The following ADA2 variants were observed in gnomAD, a reference collection of about 807,000 sequenced individuals.
The protein encoded by ADA2 is adenosine deaminase CECR1.
ADA2 carries 29 observed loss-of-function variants against 44.2 expected under a neutral mutation model. The observed-to-expected ratio is 0.66, with a 90% CI of 0.49 to 0.89. The LOEUF is 0.89. ADA2 is among the 40% of genes least tolerant of loss of function. The pLI is 0.00. For missense variants in ADA2, 637 were observed against 644.8 expected, an observed-to-expected ratio of 0.99 and a Z score of 0.13; for synonymous variants, 215 against 234.9, an observed-to-expected ratio of 0.92 and a Z score of 0.77.
At chr22:17,184,988 A>ATG (rs1294116458) in intron 7 of ADA2, among the ~76,000 whole-genome samples, 8 of 125,364 alleles carry the variant, frequency 6.4e-5, no homozygotes, top group Non-Finnish European at 1.3e-4. Flanking sequence ...GTCAAAATAT[A>ATG]TATATATATA....
chr22:17,203,823 GC>G (rs2062321377), intron 3 of ADA2, 50 bp from the exon 4 acceptor site: 5 of 1,279,772 alleles, frequency 3.9e-6, no homozygotes, highest in East Asian at 2.4e-5. Flanking sequence ...CCAGGACACT[GC>G]CCCCGGGCGC....
rs796115081 is a variant in ADA2 at position 17,217,240 on chromosome 22, G to GA, written c.-47+2115dup. On this transcript the variant is annotated intron_variant, in intron 1 of 9. Coordinates refer to ENST00000399837, the MANE Select transcript of ADA2 (RefSeq NM_001282225.2). ...ATAACAGACATTTCAGAAGGAAAAA[G>GA]AAAAAAAAAACAGGTGAAGGAAATA... Among the ~76,000 whole-genome samples the GA allele has an allele frequency of 2.6e-3, 379 of 146,280 alleles. 3 individuals carry two copies. The highest frequency in any genetic ancestry group is 8.0e-3 in the African/African-American group (322 of 40,074).
chr22:17,198,942 G>A (rs751634951), intron 4 of ADA2, among the ~76,000 whole-genome samples: 1 of 152,198 alleles, frequency 6.6e-6, no homozygotes, highest in African/African-American at 2.4e-5. Flanking sequence ...ATTAGCCTGC[G>A]ACCAGGCAGG....
intron 4 of ADA2, among the ~76,000 whole-genome samples, chr22:17,201,643 C>T (rs2062288801): frequency 6.6e-6 from 1 of 152,174 alleles, no homozygotes; most frequent in African/African-American, 2.4e-5. Flanking sequence ...ATCCTGCCCA[C>T]TCCCACAATA....
chr22:17,181,531 G>A lies in ADA2; in HGVS notation c.1488C>T (p.Ile496=). Residue 496 remains isoleucine, a synonymous_variant, in exon 10 of 10, where the codon ATC becomes ATT. Coordinates refer to ENST00000399837, the MANE Select transcript of ADA2 (RefSeq NM_001282225.2). ...LESEKNTFME[I]WKKRWDKFIA... The stretch of plus-strand genomic sequence containing the variant: ...TGAACTTATCCCATCTCTTCTTCCA[G>A]ATTTCCATGAAAGTATTTTTCTCAC... The A allele has an allele frequency of 6.2e-7, 1 of 1,613,704 alleles. No homozygotes were observed. Among genetic ancestry groups the A allele is most frequent in the South Asian group, 1.1e-5 (1 of 91,058 alleles).
chr22:17,182,916 A>G (rs1466161018), intron 7 of ADA2, among the ~76,000 whole-genome samples, 155 bp from the exon 8 acceptor site: 1 of 151,770 alleles, frequency 6.6e-6, no homozygotes, highest in African/African-American at 2.4e-5. Context: ...ACAAATACAC[A>G]CACACAGTTT....
intron 1 of ADA2, chr22:17,213,561 G>A (rs186867860): frequency 1.7e-5 from 5 of 299,750 alleles, no homozygotes; most frequent in African/African-American, 4.6e-5. Context: ...GAAAGGCGTC[G>A]CAGAGCTCAG....
intron 4 of ADA2, among the ~76,000 whole-genome samples, chr22:17,195,792 G>A (rs1379661259): frequency 4.2e-5 from 6 of 141,460 alleles, no homozygotes; most frequent in South Asian, 2.2e-4. Context: ...ACGGAGTCTC[G>A]CTCTGTCACC....
chr22:17,216,811 CAAAT>C (rs1025391531), intron 1 of ADA2, among the ~76,000 whole-genome samples: 21 of 148,350 alleles, frequency 1.4e-4, no homozygotes, highest in Non-Finnish European at 3.0e-5. Context: ...GAGAGAGACT[CAAAT>C]AAAATGGATT....
chr22:17,217,964 T>G (rs1268475224), intron 1 of ADA2, among the ~76,000 whole-genome samples: 1 of 152,158 alleles, frequency 6.6e-6, no homozygotes, highest in Non-Finnish European at 1.5e-5. Flanking sequence ...TGTGCAACCT[T>G]GGGCAAATCA....
chr22:17,216,477 G>A (rs1466119510), intron 1 of ADA2, among the ~76,000 whole-genome samples: 1 of 151,962 alleles, frequency 6.6e-6, no homozygotes, highest in Non-Finnish European at 1.5e-5. Context: ...ATATTTCAGA[G>A]TAACTAAGAC....
rs1019680311 is a variant in ADA2 at position 17,207,203 on chromosome 22, C to G, written c.410G>C (p.Cys137Ser). 5 of 1,614,168 alleles carry G rather than the reference C, an allele frequency of 3.1e-6. No homozygotes were observed. The highest frequency in any genetic ancestry group is 4.2e-6 in the Non-Finnish European group (5 of 1,179,992). ...NVTYRPHCHI[C>S]FTPRGIMQFR... ...CTGCATGATCCCCCTTGGGGTGAAA[C>G]AGATGTGGCAGTGAGGCCTGTAGGT... Residue 137 changes from cysteine to serine, a missense_variant, in exon 3 of 10, where the codon TGT becomes TCT. Cys to Ser is a moderately radical substitution (Grantham distance 112, BLOSUM62 -1). Transcript: ENST00000399837.
intron 7 of ADA2, among the ~76,000 whole-genome samples, chr22:17,187,820 A>G (rs2062054014): frequency 6.6e-6 from 1 of 152,082 alleles, no homozygotes; most frequent in Non-Finnish European, 1.5e-5. Context: ...ATCAATTAGA[A>G]AAGGCCAGGC....
intron 4 of ADA2, chr22:17,199,423 T>TCCCCTCCACTATCCTCTTCCCCTCCCC: frequency 1.1e-6 from 1 of 902,824 alleles, no homozygotes; most frequent in Non-Finnish European, 1.8e-6. Flanking sequence ...GTCTCCTCCC[T>TCCCCTCCACTATCCTCTTCCCCTCCCC]CCCCTCCTCT....
In ADA2 at chr22:17,181,400, A is replaced by T; in HGVS notation, c.*83T>A. 1 of 929,316 alleles carries T rather than the reference A, an allele frequency of 1.1e-6. No individual in the cohort carries two copies. Among genetic ancestry groups the T allele is most frequent in the Middle Eastern group, 2.4e-4 (1 of 4,216 alleles). The allele number at this position is 929,316 out of a possible 1,614,324, so 57.6% of individuals were successfully genotyped here. ...TACAGAGGCCATTGATTTCATGGGC[A>T]CATGGAGCTGATTCAAGAACGAGTG... On this transcript the variant is annotated 3_prime_UTR_variant, in exon 10 of 10. Transcript: ENST00000399837.
At chr22:17,213,753 C>G (rs1440822802) in intron 1 of ADA2, 2 of 245,506 alleles carry the variant, frequency 8.1e-6, no homozygotes, top group East Asian at 2.8e-4. Context: ...AAGAAAGCAT[C>G]CAGGCCAGGC....
Position 17,207,185 on chromosome 22 carries a change from A to G in ADA2, c.428T>C (p.Ile143Thr), listed in dbSNP as rs758389941. Residue 143 changes from isoleucine (I) to threonine (T), a missense_variant, in exon 3 of 10, where the codon ATC (isoleucine) becomes ACC (threonine). Physicochemically the swap from Ile to Thr is moderately conservative, Grantham distance 89. Coordinates refer to ENST00000399837, the MANE Select transcript of ADA2 (RefSeq NM_001282225.2). Reference protein sequence around the residue: ...HCHICFTPRGIMQFRFAHPTP... With the variant: ...HCHICFTPRGTMQFRFAHPTP... ...TGGGTGAGCAAATCTGAACTGCATG[A>G]TCCCCCTTGGGGTGAAACAGATGTG... is the stretch of plus-strand genomic sequence containing the variant. 3 of 1,614,166 alleles carry G rather than the reference A, an allele frequency of 1.9e-6. No homozygotes were observed. In the South Asian group the frequency reaches 3.3e-5, roughly 18 times the overall value.
At chr22:17,199,711 G>T in intron 4 of ADA2, 6 of 1,548,496 alleles carry the variant, frequency 3.9e-6, no homozygotes, top group Non-Finnish European at 5.2e-6. Flanking sequence ...CCTGGTCTGG[G>T]TCCAGCCACC....
intron 9 of ADA2, 27 bp downstream of exon 9, chr22:17,181,793 G>A (rs774572672): frequency 1.3e-6 from 2 of 1,594,076 alleles, no homozygotes; most frequent in African/African-American, 2.7e-5. Flanking sequence ...AGGAGGCGGG[G>A]GACCTGGGAG....
Sources: allele counts gnomAD v4.1 joint callset (sites outside exome capture counted in the v4.1 genomes callset), GRCh38; gene constraint gnomAD v4.1.1; transcripts MANE v1.5; gene names NCBI Gene and HGNC (gene_info 2026-07-23, HGNC 2026-07-21).